NUGGC: variants seen among roughly 807,000 people sequenced by gnomAD.
NUGGC encodes nuclear GTPase, germinal center associated, also known as nuclear GTPase SLIP-GC.
NUGGC carries 58 observed loss-of-function variants against 92.6 expected under a neutral mutation model. The observed-to-expected ratio is 0.63, with a 90% confidence interval of 0.51 to 0.78. The LOEUF (loss-of-function observed/expected upper bound fraction) is 0.78. NUGGC is among the 30% of genes least tolerant of loss of function. The pLI is 0.00. For synonymous variants in NUGGC, 376 were observed against 366.4 expected, an observed-to-expected ratio of 1.03 and a Z score of -0.30; for missense variants, 925 against 964.6, an observed-to-expected ratio of 0.96 and a Z score of 0.54.
At chr8:28,028,631 TG>T (rs528708994) in intron 17 of NUGGC, among the ~76,000 whole-genome samples, 279 of 151,970 alleles carry the variant, frequency 1.8e-3, no homozygotes, top group Middle Eastern at 6.8e-3. Context: ...GGAAAGGGGG[TG>T]GCAAGCCATG....
chr8:28,074,241 G>A (rs1810664276), intron 2 of NUGGC, 127 bp downstream of exon 2: 2 of 700,728 alleles, frequency 2.9e-6, no homozygotes, highest in Non-Finnish European at 5.2e-6. Context: ...TCACGAGAAA[G>A]CACCTTCTGA....
At chr8:28,033,516 G>A (rs778927822) in intron 14 of NUGGC, 24 bp downstream of exon 14, 2 of 1,603,238 alleles carry the variant, frequency 1.2e-6, no homozygotes, top group Admixed American at 3.4e-5. Flanking sequence ...TGTTCCCGAA[G>A]GTGCAAGATG....
chr8:28,031,226 C>T lies in NUGGC; in HGVS notation c.1908+17G>A, dbSNP rs1585554665. The T allele has an allele frequency of 1.2e-6, 2 of 1,613,934 alleles. No individual in the cohort carries two copies. On this transcript the variant is annotated intron_variant, in intron 15 of 18. Transcript: ENST00000413272. ...ATGCCCAACCTCACTGCTCTCCTCA[C>T]TTTATAAGGAACGTACCTCCTGGAT...
chr8:28,081,522 C>T (rs1306268347), intron 1 of NUGGC, among the ~76,000 whole-genome samples: 1 of 152,128 alleles, frequency 6.6e-6, no homozygotes, highest in East Asian at 1.9e-4. Flanking sequence ...AGCTGAGATT[C>T]TGACTCCCGT....
intron 8 of NUGGC, among the ~76,000 whole-genome samples, chr8:28,058,959 C>A (rs1357862407): frequency 6.6e-6 from 1 of 152,186 alleles, no homozygotes; most frequent in Non-Finnish European, 1.5e-5. Context: ...CCGCCTCAGC[C>A]TCCCAAAGTG....
intron 10 of NUGGC, among the ~76,000 whole-genome samples, chr8:28,055,408 C>A (rs1385317989): frequency 6.6e-6 from 1 of 152,222 alleles, no homozygotes; most frequent in African/African-American, 2.4e-5. Context: ...AGAGCCCAGA[C>A]TCACCTGGGC....
chr8:28,056,234 G>A (rs1385317712), intron 9 of NUGGC, among the ~76,000 whole-genome samples, 180 bp from the exon 10 acceptor site: 3 of 151,984 alleles, frequency 2.0e-5, no homozygotes, highest in African/African-American at 4.8e-5. Context: ...ATCCTAGCCC[G>A]TTGGGAGGCC....
At chr8:28,079,941 T>TTTGC (rs1016916699) in intron 1 of NUGGC, among the ~76,000 whole-genome samples, 1 of 151,792 alleles carries the variant, frequency 6.6e-6, no homozygotes, top group African/African-American at 2.4e-5. Flanking sequence ...TTTTTGTTTG[T>TTTGC]TTGTTTGTTT....
chr8:28,035,100 C>T (rs564224370), intron 13 of NUGGC, among the ~76,000 whole-genome samples: 2 of 152,292 alleles, frequency 1.3e-5, no homozygotes, highest in South Asian at 4.1e-4. Flanking sequence ...CCTGGAGACG[C>T]TCGAAAATGT....
intron 2 of NUGGC, among the ~76,000 whole-genome samples, chr8:28,070,683 C>G (rs972154785): frequency 3.3e-5 from 5 of 150,948 alleles, no homozygotes; most frequent in Non-Finnish European, 7.4e-5. Flanking sequence ...GCAACCTCAA[C>G]CTCCCAGGCT....
At chr8:28,054,784 C>T (rs912868462) in intron 10 of NUGGC, among the ~76,000 whole-genome samples, 2 of 151,392 alleles carry the variant, frequency 1.3e-5, no homozygotes, top group African/African-American at 2.4e-5. Flanking sequence ...TGGTGCTTGC[C>T]GAGCTGTAGT....
chr8:28,028,033 A>C, intron 17 of NUGGC, among the ~76,000 whole-genome samples: 1 of 151,696 alleles, frequency 6.6e-6, no homozygotes, highest in East Asian at 1.9e-4. Context: ...AAATATTTTA[A>C]AAAACTAAAA....
chr8:28,044,642 G>GC (rs1249994559), intron 12 of NUGGC, among the ~76,000 whole-genome samples: 1 of 152,228 alleles, frequency 6.6e-6, no homozygotes, highest in Admixed American at 6.5e-5. Flanking sequence ...GATTGTTACA[G>GC]AGTTATTCTT....
chr8:28,067,865 A>G (rs757564015), intron 5 of NUGGC, 121 bp from the exon 6 acceptor site: 109 of 752,676 alleles, frequency 1.4e-4, no homozygotes, highest in Non-Finnish European at 2.1e-4. Flanking sequence ...AATCTAGGTC[A>G]TCTATCTGGG....
In NUGGC at chr8:28,023,471, G is replaced by C. The variant is rs745798993; in HGVS notation, c.2246-9C>G. The C allele has an allele frequency of 3.7e-6, 6 of 1,610,758 alleles. No homozygotes were observed. In the Admixed American group the frequency reaches 1.0e-4, roughly 27 times the overall value. On this transcript the variant is annotated splice_polypyrimidine_tract_variant and intron_variant, in intron 18 of 18. Transcript: ENST00000413272. The stretch of plus-strand genomic sequence containing the variant: ...GTATTCACTCCCGACATCTACAGGA[G>C]AGCAGAAAGCTCACATCAGGACTTG...
intron 14 of NUGGC, among the ~76,000 whole-genome samples, chr8:28,033,226 A>G (rs1279648087): frequency 5.3e-5 from 8 of 152,304 alleles, no homozygotes; most frequent in Admixed American, 4.6e-4. Flanking sequence ...TACTCTCTCC[A>G]ATCAAAATAC....
intron 4 of NUGGC, among the ~76,000 whole-genome samples, chr8:28,069,016 C>G (rs1379169462): frequency 6.6e-6 from 1 of 152,200 alleles, no homozygotes; most frequent in Non-Finnish European, 1.5e-5. Flanking sequence ...TCAGCCACTA[C>G]ACCTGGACAG....
At chr8:28,071,903 G>A (rs1810599772) in intron 2 of NUGGC, among the ~76,000 whole-genome samples, 2 of 152,142 alleles carry the variant, frequency 1.3e-5, no homozygotes, top group African/African-American at 2.4e-5. Flanking sequence ...GTGACATTCT[G>A]AGGTCATTCC....
Position 28,055,996 on chromosome 8 carries a change from TG to T in NUGGC, c.1174del (p.Gln392LysfsTer10), listed in dbSNP as rs1260324277. The T allele has an allele frequency of 1.3e-6, 2 of 1,559,540 alleles. No homozygotes were observed. The highest frequency in any genetic ancestry group is 2.4e-5 in the South Asian group (2 of 84,908). ...VLERNEMIKL[Q>X]RTRILKEKLK... ...TTTTTCCTTGAGAATTCTAGTCCTT[TG>T]TAGTTTTATCATTTCATTTCTTTCT... On this transcript the variant is annotated frameshift_variant, in exon 10 of 19. Coordinates refer to ENST00000413272, the MANE Select transcript of NUGGC (RefSeq NM_001010906.2). LOFTEE classifies it high-confidence loss of function.
Sources: allele counts gnomAD v4.1 joint callset (sites outside exome capture counted in the v4.1 genomes callset), GRCh38; gene constraint gnomAD v4.1.1; transcripts MANE v1.5; gene names NCBI Gene and HGNC (gene_info 2026-07-23, HGNC 2026-07-21).